The following LRP6 variants were observed in gnomAD, a reference collection of about 807,000 sequenced individuals.
The protein encoded by LRP6 is low-density lipoprotein receptor-related protein 6.
In LRP6, 43 loss-of-function variants were observed where a neutral mutation model predicts 184.1. That is an observed-to-expected ratio of 0.23 (90% CI 0.18 to 0.30). LRP6 has a LOEUF of 0.30. Ranked by LOEUF, LRP6 falls within the 10% of genes least tolerant of loss-of-function variation. LRP6 has a pLI of 1.00. For synonymous variants in LRP6, 719 were observed against 684.9 expected, an observed-to-expected ratio of 1.05 and a Z score of -0.78; for missense variants, 1,571 against 2,005.3, an observed-to-expected ratio of 0.78 and a Z score of 4.14.
At chr12:12,137,653 G>T (rs1055755934) in intron 16 of LRP6, among the ~76,000 whole-genome samples, 7 of 152,004 alleles carry the variant, frequency 4.6e-5, no homozygotes, top group African/African-American at 1.2e-4. Context: ...GCTATGGGGG[G>T]AAGTATAGAG....
chr12:12,140,685 C>T (rs1047674996), intron 15 of LRP6, among the ~76,000 whole-genome samples: 3 of 151,432 alleles, frequency 2.0e-5, no homozygotes, highest in African/African-American at 7.3e-5. Context: ...CTCACTGCAA[C>T]CTTCACCTTC....
At chr12:12,124,712 C>A in intron 21 of LRP6, 50 bp from the exon 22 acceptor site, 1 of 1,179,900 alleles carries the variant, frequency 8.5e-7, no homozygotes, top group Non-Finnish European at 1.2e-6. Flanking sequence ...TAGAAACTAT[C>A]AGACTTTCTT....
intron 15 of LRP6, among the ~76,000 whole-genome samples, chr12:12,145,624 CTT>C (rs1157764946): frequency 8.7e-5 from 7 of 80,306 alleles, no homozygotes; most frequent in Admixed American, 1.7e-4. Context: ...TTTTCTTTTT[CTT>C]TTTTTTTTTT....
At chr12:12,133,212 G>C (rs541085206) in intron 17 of LRP6, among the ~76,000 whole-genome samples, 1 of 152,292 alleles carries the variant, frequency 6.6e-6, no homozygotes, top group African/African-American at 2.4e-5. Flanking sequence ...ACACTACTTT[G>C]AACTGCATGT....
intron 15 of LRP6, among the ~76,000 whole-genome samples, chr12:12,141,666 T>C (rs1949935575): frequency 6.6e-6 from 1 of 152,058 alleles, no homozygotes; most frequent in Non-Finnish European, 1.5e-5. Context: ...TGCAGCAAGA[T>C]GATGAAGAAA....
intron 2 of LRP6, among the ~76,000 whole-genome samples, chr12:12,225,133 G>A (rs1047220414): frequency 1.3e-5 from 2 of 152,016 alleles, no homozygotes; most frequent in Non-Finnish European, 1.5e-5. Context: ...TGAACCCAGT[G>A]GGTGGAGGAT....
chr12:12,125,358 C>T lies in LRP6; in HGVS notation c.4387G>A (p.Ala1463Thr), dbSNP rs1162946733. The change falls in exon 21 of 23, where the codon GCC becomes ACC. Residue 1463 changes from alanine (A) to threonine (T), a missense_variant. Transcript: ENST00000261349. ...GGSSGPPYDR[A>T]HVTGASSSSS... Reference sequence around the variant, plus strand: ...CTTGATGATGCTCCTGTAACATGGGCTCGGTCATAGGGGGGTCCACTGCTT... The same window carrying T: ...CTTGATGATGCTCCTGTAACATGGGTTCGGTCATAGGGGGGTCCACTGCTT... The T allele has an allele frequency of 5.0e-6, 8 of 1,613,904 alleles. No individual in the cohort carries two copies. The highest frequency in any genetic ancestry group is 1.3e-5 in the African/African-American group (1 of 74,900).
chr12:12,173,027 G>C (rs538504503), intron 7 of LRP6, among the ~76,000 whole-genome samples: 1 of 152,226 alleles, frequency 6.6e-6, no homozygotes, highest in African/African-American at 2.4e-5. Flanking sequence ...TTTTTGCAAG[G>C]AATCAGGCAT....
intron 14 of LRP6, among the ~76,000 whole-genome samples, chr12:12,148,728 T>G (rs779354205): frequency 1.3e-5 from 2 of 152,068 alleles, no homozygotes; most frequent in Non-Finnish European, 2.9e-5. Context: ...GACTTAGAAT[T>G]AAAGCACTAG....
rs149474286 is a variant in LRP6 at position 12,138,637 on chromosome 12, G to GA, written c.3398-104dup. 0.047 allele frequency: 47,947 copies of GA among 1,012,470 alleles called. 1,260 individuals carry two copies. The highest frequency in any genetic ancestry group is 0.24 in the African/African-American group (14,385 of 58,780). 62.7% of individuals were successfully genotyped at this position (1,012,470 alleles called of 1,614,324 possible). ...AGTTAGATTCTACAGGTAGAGAAAA[G>GA]AAAAAAAAAACAAGATCTCTACCAC... On this transcript the variant is annotated intron_variant, in intron 15 of 22. Transcript: ENST00000261349.
At chr12:12,161,037 C>G (rs901460853) in intron 10 of LRP6, among the ~76,000 whole-genome samples, 1 of 152,210 alleles carries the variant, frequency 6.6e-6, no homozygotes, top group African/African-American at 2.4e-5. Flanking sequence ...GTGCACACCA[C>G]AAGAGCCAAA....
At chr12:12,238,999 C>T (rs865805642) in intron 2 of LRP6, among the ~76,000 whole-genome samples, 3 of 152,068 alleles carry the variant, frequency 2.0e-5, no homozygotes, top group East Asian at 1.9e-4. Flanking sequence ...GCACCAAACA[C>T]GGAATTCAAA....
At chr12:12,234,459 A>G (rs1438760124) in intron 2 of LRP6, among the ~76,000 whole-genome samples, 1 of 152,098 alleles carries the variant, frequency 6.6e-6, no homozygotes, top group African/African-American at 2.4e-5. Flanking sequence ...CAAAAAAAAA[A>G]AGTTAAGTTT....
At chr12:12,140,654 A>G (rs189666321) in intron 15 of LRP6, among the ~76,000 whole-genome samples, 79 of 150,306 alleles carry the variant, frequency 5.3e-4, no homozygotes, top group Non-Finnish European at 7.8e-4. Context: ...CCCAGGCTAG[A>G]GTGCAGTGGC....
At chr12:12,146,806 A>C (rs1950013702) in intron 15 of LRP6, among the ~76,000 whole-genome samples, 1 of 152,242 alleles carries the variant, frequency 6.6e-6, no homozygotes, top group Non-Finnish European at 1.5e-5. Flanking sequence ...ATTTGGCCAC[A>C]GATGACAAGA....
At position 12,205,320 on chromosome 12, in the gene LRP6, TCAAA is replaced by T. The variant is rs1202138021; in HGVS notation, c.450-1924_450-1921del. On this transcript the variant is annotated intron_variant, in intron 2 of 22. Transcript: ENST00000261349. Reference sequence around the variant, plus strand: ...CTGGGCAACAGAATAAGACTCTGTCTCAAACAAACAAAAAAAAAAAAAAAAAAAA... The same window carrying T: ...CTGGGCAACAGAATAAGACTCTGTCTCAAACAAAAAAAAAAAAAAAAAAAA... Among the ~76,000 whole-genome samples the T allele has an allele frequency of 2.8e-3, 103 of 37,450 alleles. 5 individuals carry two copies. Among genetic ancestry groups the T allele is most frequent in the African/African-American group, 4.6e-3 (28 of 6,026 alleles). 24.6% of individuals were successfully genotyped at this position (37,450 alleles called of 152,430 possible). A position where few individuals can be genotyped will look rare whatever the true frequency, so the allele number is the denominator to read the frequency against.
chr12:12,242,180 G>C (rs1865084242), intron 2 of LRP6, among the ~76,000 whole-genome samples: 3 of 151,894 alleles, frequency 2.0e-5, no homozygotes, highest in Admixed American at 2.0e-4. Context: ...AACAGCTCTT[G>C]TGCCCCTTCT....
chr12:12,237,905 G>A (rs1252741541), intron 2 of LRP6, among the ~76,000 whole-genome samples: 1 of 152,200 alleles, frequency 6.6e-6, no homozygotes, highest in Non-Finnish European at 1.5e-5. Context: ...CTACAGATTA[G>A]TTAACAGTAT....
intron 2 of LRP6, among the ~76,000 whole-genome samples, chr12:12,223,176 G>GAAA (rs35090683): frequency 1.9e-4 from 22 of 115,164 alleles, no homozygotes; most frequent in South Asian, 2.7e-4. Flanking sequence ...CATTTCATCA[G>GAAA]AAAAAAAAAA....
Sources: gnomAD v4.1 joint callset for allele counts (sites outside exome capture counted in the v4.1 genomes callset) on GRCh38, gnomAD v4.1.1 for gene constraint, MANE v1.5 for transcripts, NCBI Gene and HGNC (gene_info 2026-07-23, HGNC 2026-07-21) for gene names.